MAP4: variants seen among roughly 807,000 people sequenced by gnomAD.
MAP4 encodes the protein microtubule-associated protein 4.
A neutral mutation model predicts 170.2 loss-of-function variants in MAP4; 76 were observed. The ratio of observed to expected loss-of-function variants is 0.45; its 90% confidence interval spans 0.37 to 0.54. The LOEUF is 0.54. MAP4 is among the 20% of genes least tolerant of loss of function. MAP4 has a pLI of 0.00. For missense variants in MAP4, 2,506 were observed against 2,748.0 expected (o/e 0.91, Z 1.97); for synonymous variants, 909 against 994.5 (o/e 0.91, Z 1.62).
chr3:47,911,670 C>T lies in MAP4; in HGVS notation c.2751G>A (p.Gln917=). 6.5e-7 allele frequency: 1 copy of T among 1,536,082 alleles called. No individual in the cohort carries two copies. Among genetic ancestry groups the T allele is most frequent in the Non-Finnish European group, 8.7e-7 (1 of 1,146,888 alleles). ...CTTTCAGATTGAGAGGGCCTACTGACTGGCTTTTATCTACAGGAGTCTTCA... is the reference window on the plus strand; with the variant it reads ...CTTTCAGATTGAGAGGGCCTACTGATTGGCTTTTATCTACAGGAGTCTTCA... ...PHLKTPVDKS[Q]SVGPLNLKGP... is the part of the protein sequence containing the mutation. The change falls in exon 9 of 21, where the codon CAG becomes CAA. Residue 917 remains glutamine (Q), a synonymous_variant. Coordinates refer to ENST00000683076, the MANE Select transcript of MAP4 (RefSeq NM_001385682.1). The surrounding 1 kb of genome is among the most constrained non-coding windows in gnomAD (Gnocchi z 4.0).
chr3:47,907,212 G>A (rs533323667), intron 9 of MAP4, among the ~76,000 whole-genome samples: 3 of 152,182 alleles, frequency 2.0e-5, no homozygotes, highest in Non-Finnish European at 2.9e-5. Flanking sequence ...GTATGTATAC[G>A]TCTCATTTAT....
chr3:47,899,397 C>A lies in MAP4; in HGVS notation c.5434+3553G>T, dbSNP rs2100028832. 3.3e-5 allele frequency among the ~76,000 whole-genome samples: 5 copies of A among 152,332 alleles called. No individual in the cohort carries two copies. The South Asian group carries it at 1.0e-3, about 32-fold the overall frequency. On this transcript the variant is annotated intron_variant, in intron 10 of 20. Coordinates refer to ENST00000683076, the MANE Select transcript of MAP4 (RefSeq NM_001385682.1). ...TCAGGTGATCCTCCTGCCTCAGCCT[C>A]CCAAAGTGCTGGGATTACAAGTGTG...
chr3:47,888,371 C>G (rs2097992730), intron 10 of MAP4, among the ~76,000 whole-genome samples: 1 of 152,180 alleles, frequency 6.6e-6, no homozygotes, highest in Non-Finnish European at 1.5e-5. Flanking sequence ...TGGGTCCACT[C>G]TGCTTTTATG....
chr3:48,012,224 C>T (rs188998552), intron 1 of MAP4, among the ~76,000 whole-genome samples: 16 of 152,308 alleles, frequency 1.1e-4, no homozygotes, highest in Admixed American at 5.2e-4. Context: ...ACGGAACTTT[C>T]CTGTCTTCAG....
At chr3:47,862,233 T>C (rs1432880185) in intron 17 of MAP4, among the ~76,000 whole-genome samples, 2 of 149,554 alleles carry the variant, frequency 1.3e-5, no homozygotes, top group Admixed American at 1.3e-4. Context: ...AAGAGTCCTA[T>C]GTTAGGAATA....
intron 3 of MAP4, among the ~76,000 whole-genome samples, chr3:47,957,374 TTAG>T (rs2100068466): frequency 6.6e-6 from 1 of 152,116 alleles, no homozygotes; most frequent in Admixed American, 6.6e-5. Context: ...TTTCACCATG[TTAG>T]CCAGGCTGGT....
upstream of MAP4, among the ~76,000 whole-genome samples, chr3:48,016,624 T>C (rs889966015): frequency 6.6e-6 from 1 of 152,230 alleles, no homozygotes; most frequent in African/African-American, 2.4e-5. Flanking sequence ...AGTAAAACTT[T>C]AAAAGATTCT....
rs754406529 is a variant in MAP4 at position 47,857,427 on chromosome 3, T to C, written c.6583+4A>G. On this transcript the variant is annotated splice_donor_region_variant and intron_variant, in intron 18 of 20. Coordinates refer to ENST00000683076, the MANE Select transcript of MAP4 (RefSeq NM_001385682.1). The stretch of plus-strand genomic sequence containing the variant: ...ACCCAGTGGGCAAGGGAGGCACCAC[T>C]CACCAGGCTTGTGCTTGATGTTAGC... 1.9e-6 allele frequency: 3 copies of C among 1,613,410 alleles called. No homozygotes were observed.
At chr3:47,854,999 G>A (rs970652027) in intron 19 of MAP4, 1 of 492,250 alleles carries the variant, frequency 2.0e-6, no homozygotes, top group Non-Finnish European at 3.7e-6. Context: ...AATTAGGAAG[G>A]CCATGGCTCT....
chr3:48,059,514 C>CA (rs762700404), intron 1 of MAP4, among the ~76,000 whole-genome samples: 4,694 of 17,858 alleles, frequency 0.26, 1,370 homozygotes, highest in African/African-American at 0.45. Flanking sequence ...GACTCCATCT[C>CA]AAAAAAAAAA....
chr3:48,038,176 G>A (rs73070616), intron 1 of MAP4, among the ~76,000 whole-genome samples: 5,952 of 116,152 alleles, frequency 0.051, no homozygotes, highest in African/African-American at 0.06. Context: ...TCCAAAAAAA[G>A]AAAAAAAAAA....
Position 48,075,974 on chromosome 3 carries a change from CAAAAAAAA to C in MAP4, c.-20+12791_-20+12798del, listed in dbSNP as rs60556044. On this transcript the variant is annotated intron_variant, in intron 1 of 18. Coordinates refer to the MAP4 transcript ENST00000360240. ...TGGGCGACAGAGTGAAACTCCATCT[CAAAAAAAA>C]AAAAAAAAAAGAAACAAAGAAAAAG... Among the ~76,000 whole-genome samples, 29 of 47,582 alleles carry C rather than the reference CAAAAAAAA, an allele frequency of 6.1e-4. 1 individual carries two copies. The East Asian group carries it at 0.018, about 29-fold the overall frequency. 31.2% of individuals were successfully genotyped at this position (47,582 alleles called of 152,430 possible). A position where few individuals can be genotyped will look rare whatever the true frequency, so the allele number is the denominator to read the frequency against.
chr3:48,039,395 C>A, intron 1 of MAP4: 1 of 154,172 alleles, frequency 6.5e-6, no homozygotes, highest in South Asian at 1.9e-4. Context: ...CCATGGTCGT[C>A]AGTCATGCAC....
At chr3:47,992,666 G>C (rs2100093040) in intron 2 of MAP4, among the ~76,000 whole-genome samples, 1 of 152,054 alleles carries the variant, frequency 6.6e-6, no homozygotes, top group Admixed American at 6.6e-5. Context: ...ATTATTCATG[G>C]ATTTCAAGGG....
At position 47,912,344 on chromosome 3, in the gene MAP4, G is replaced by A. The variant is rs949311727; in HGVS notation, c.2077C>T (p.Pro693Ser). The change falls in exon 9 of 21, where the codon CCC (proline) becomes TCC (serine). Residue 693 changes from proline (P) to serine (S), a missense_variant. Transcript: ENST00000683076. Reference sequence around the variant, plus strand: ...TCAGGAGGGACCCTGGCAGGCTTGGGCCGGGTTGACCTGCGGTCACTGGGT... The same window carrying A: ...TCAGGAGGGACCCTGGCAGGCTTGGACCGGGTTGACCTGCGGTCACTGGGT... ...CRPSDRRSTR[P>S]KPARVPPELL... The A allele has an allele frequency of 5.9e-6, 9 of 1,535,942 alleles. No homozygotes were observed. The African/African-American group carries it at 8.2e-5, about 14-fold the overall frequency.
chr3:48,060,807 C>T (rs771777141), intron 1 of MAP4, among the ~76,000 whole-genome samples: 28 of 152,090 alleles, frequency 1.8e-4, no homozygotes, highest in South Asian at 6.2e-4. Flanking sequence ...AACCCAATCT[C>T]AAAATAAATA....
intron 1 of MAP4, among the ~76,000 whole-genome samples, chr3:48,001,454 C>A (rs374875294): frequency 1.1e-4 from 17 of 152,130 alleles, no homozygotes; most frequent in African/African-American, 4.1e-4. Flanking sequence ...AACCTTAATT[C>A]CTCATCAATA....
chr3:47,858,930 C>T (rs995408775), intron 17 of MAP4, among the ~76,000 whole-genome samples: 3 of 152,074 alleles, frequency 2.0e-5, no homozygotes, highest in Non-Finnish European at 4.4e-5. Flanking sequence ...AGATCGAGAC[C>T]ATCCTGGCTA....
intron 1 of MAP4, among the ~76,000 whole-genome samples, chr3:48,068,155 C>T (rs1702788823): frequency 6.6e-6 from 1 of 150,600 alleles, no homozygotes; most frequent in African/African-American, 2.4e-5. Flanking sequence ...ATCCCAGCTA[C>T]TCAGGAGGCT....
Sources: allele counts gnomAD v4.1 joint callset (sites outside exome capture counted in the v4.1 genomes callset), GRCh38; gene constraint gnomAD v4.1.1; non-coding constraint Gnocchi (gnomAD v3.1); transcripts MANE v1.5; gene names NCBI Gene and HGNC (gene_info 2026-07-23, HGNC 2026-07-21).